The following DTWD1 variants were observed in gnomAD, a reference collection of about 807,000 sequenced individuals.
DTWD1 encodes tRNA-uridine aminocarboxypropyltransferase 1.
A neutral mutation model predicts 30.2 loss-of-function variants in DTWD1; 27 were observed. That is an observed-to-expected ratio of 0.90 (90% CI 0.66 to 1.23). The LOEUF is 1.23. Ranked by LOEUF, DTWD1 falls within the 50% of genes most tolerant of loss-of-function variation. The pLI, the probability that DTWD1 is intolerant of heterozygous loss-of-function variation, is 0.00. For synonymous variants in DTWD1, 99 were observed against 113.1 expected (o/e 0.88, Z 0.79); for missense variants, 342 against 348.8 (o/e 0.98, Z 0.15).
chr15:49,633,153 C>A lies in DTWD1; in HGVS notation c.408+851C>A, dbSNP rs114766971. Among the ~76,000 whole-genome samples, 1,221 of 149,872 alleles carry A rather than the reference C, an allele frequency of 8.1e-3. 19 individuals are homozygous for A. Among genetic ancestry groups the A allele is most frequent in the African/African-American group, 0.029 (1,185 of 40,948 alleles). On this transcript the variant is annotated intron_variant, in intron 3 of 4. Transcript: ENST00000403028. ...TGGATCTAGGAAAATGTTTCTTTCTCTGGTCAGCTAGACTCCATTTATGTT... is the reference window on the plus strand; with the variant it reads ...TGGATCTAGGAAAATGTTTCTTTCTATGGTCAGCTAGACTCCATTTATGTT...
intron 4 of DTWD1, among the ~76,000 whole-genome samples, chr15:49,635,684 G>A (rs1317838744): frequency 1.3e-5 from 2 of 151,274 alleles, no homozygotes; most frequent in Non-Finnish European, 3.0e-5. Flanking sequence ...TCATAGAGAC[G>A]GGTTTCACCA....
rs1001843822 is a variant in DTWD1, at chr15:49,656,086, GAA to G, written c.*12510_*12511del. 1.3e-5 allele frequency: 2 copies of G among 152,028 alleles called. No individual in the cohort carries two copies. Among genetic ancestry groups the G allele is most frequent in the Non-Finnish European group, 2.9e-5 (2 of 67,970 alleles). The allele number at this position is 152,028 out of a possible 1,614,324, so 9.4% of individuals were successfully genotyped here. ...CAGCTGTTAATTTCTGAAGCAGAAA[GAA>G]AGATGAATAAAAGTTCTGGTTTTAC... On this transcript the variant is annotated 3_prime_UTR_variant, in exon 5 of 5. Coordinates refer to ENST00000403028, the MANE Select transcript of DTWD1 (RefSeq NM_001144955.2).
At chr15:49,622,849 G>A (rs1039844847) in intron 1 of DTWD1, among the ~76,000 whole-genome samples, 1 of 152,134 alleles carries the variant, frequency 6.6e-6, no homozygotes, top group Non-Finnish European at 1.5e-5. Flanking sequence ...GAACTAAGAG[G>A]TGGAGCCATA....
rs1013034966 is a variant in DTWD1, at chr15:49,653,297, T to G, written c.*9719T>G. On this transcript the variant is annotated 3_prime_UTR_variant, in exon 5 of 5. Transcript: ENST00000403028. ...CAGAATGATGTGAAATGAGAAGAAC[T>G]CAACCTGCTATTGTTGGCTTTACAG... The G allele has an allele frequency of 1.3e-5, 2 of 152,010 alleles. No individual in the cohort carries two copies. The highest frequency in any genetic ancestry group is 2.9e-5 in the Non-Finnish European group (2 of 67,994). 9.4% of individuals were successfully genotyped at this position (152,010 alleles called of 1,614,324 possible).
chr15:49,640,806 A>T (rs1284103072), intron 4 of DTWD1, among the ~76,000 whole-genome samples: 1 of 152,090 alleles, frequency 6.6e-6, no homozygotes, highest in African/African-American at 2.4e-5. Context: ...TCTAGAATAT[A>T]GATAATGTTG....
At position 49,649,193 on chromosome 15, in the gene DTWD1, G is replaced by A. The variant is rs1284714552; in HGVS notation, c.*5615G>A. 1 of 152,150 alleles carries A rather than the reference G, an allele frequency of 6.6e-6. No individual in the cohort carries two copies. Among genetic ancestry groups the A allele is most frequent in the Non-Finnish European group, 1.5e-5 (1 of 68,022 alleles). 9.4% of individuals were successfully genotyped at this position (152,150 alleles called of 1,614,324 possible). Reference sequence around the variant, plus strand: ...ATCGACCAATAATCAGGATATTAAAGGACTTCTTAACAACATTGGAAACTA... The same window carrying A: ...ATCGACCAATAATCAGGATATTAAAAGACTTCTTAACAACATTGGAAACTA... On this transcript the variant is annotated 3_prime_UTR_variant, in exon 5 of 5. Coordinates refer to ENST00000403028, the MANE Select transcript of DTWD1 (RefSeq NM_001144955.2).
chr15:49,656,217 T>A lies in DTWD1; in HGVS notation c.*12639T>A, dbSNP rs1406273644. 6.6e-6 allele frequency: 1 copy of A among 152,088 alleles called. No homozygotes were observed. Among genetic ancestry groups the A allele is most frequent in the Non-Finnish European group, 1.5e-5 (1 of 67,978 alleles). The allele number at this position is 152,088 out of a possible 1,614,324, so 9.4% of individuals were successfully genotyped here. On this transcript the variant is annotated 3_prime_UTR_variant, in exon 5 of 5. Coordinates refer to ENST00000403028, the MANE Select transcript of DTWD1 (RefSeq NM_001144955.2). ...TCTTTGCTGTAAATTAAATAAAAAT[T>A]CAAATATTTGTAAAAGAATATTTCT...
chr15:49,652,172 C>G lies in DTWD1; in HGVS notation c.*8594C>G, dbSNP rs963259500. On this transcript the variant is annotated 3_prime_UTR_variant, in exon 5 of 5. Transcript: ENST00000403028. ...CTTTGCACCTCTTCATAACTCTGAA[C>G]TCTGCAGTGAGAGGTCTTGGTCCCA... is the stretch of plus-strand genomic sequence containing the variant. The G allele has an allele frequency of 1.3e-5, 2 of 152,100 alleles. No homozygotes were observed. Among genetic ancestry groups the G allele is most frequent in the Non-Finnish European group, 2.9e-5 (2 of 68,028 alleles). The allele number at this position is 152,100 out of a possible 1,614,324, so 9.4% of individuals were successfully genotyped here. A position where few individuals can be genotyped will look rare whatever the true frequency, so the allele number is the denominator to read the frequency against.
chr15:49,627,540 G>A (rs1269841434), intron 2 of DTWD1, among the ~76,000 whole-genome samples: 3 of 152,106 alleles, frequency 2.0e-5, no homozygotes, highest in Non-Finnish European at 4.4e-5. Flanking sequence ...TCACTGTTGT[G>A]CAAACATAAT....
chr15:49,647,089 C>T lies in DTWD1; in HGVS notation c.*3511C>T, dbSNP rs992284942. On this transcript the variant is annotated 3_prime_UTR_variant, in exon 5 of 5. Transcript: ENST00000403028. ...AGAAGCAGTGACTAACTAGGTCAGCCGGAGATTCTCAAAGTACTCATGACT... is the reference window on the plus strand; with the variant it reads ...AGAAGCAGTGACTAACTAGGTCAGCTGGAGATTCTCAAAGTACTCATGACT... 2.0e-5 allele frequency: 3 copies of T among 152,138 alleles called. No individual in the cohort carries two copies. Among genetic ancestry groups the T allele is most frequent in the Admixed American group, 6.6e-5 (1 of 15,264 alleles). 9.4% of individuals were successfully genotyped at this position (152,138 alleles called of 1,614,324 possible).
At position 49,646,807 on chromosome 15, in the gene DTWD1, A is replaced by G. The variant is rs2079122077; in HGVS notation, c.*3229A>G. On this transcript the variant is annotated 3_prime_UTR_variant, in exon 5 of 5. Transcript: ENST00000403028. ...ATTTATCAGTTTGCATTTGCCTCCC[A>G]TTATTGCCAGCCTCACTTCCTTTCT... 6.6e-6 allele frequency: 1 copy of G among 152,190 alleles called. No homozygotes were observed. Among genetic ancestry groups the G allele is most frequent in the Non-Finnish European group, 1.5e-5 (1 of 68,074 alleles). The allele number at this position is 152,190 out of a possible 1,614,324, so 9.4% of individuals were successfully genotyped here.
chr15:49,635,788 G>T (rs116363715), intron 4 of DTWD1, among the ~76,000 whole-genome samples: 1 of 152,030 alleles, frequency 6.6e-6, no homozygotes, highest in Non-Finnish European at 1.5e-5. Flanking sequence ...GCCACCACGC[G>T]CAGCCTTCCT....
chr15:49,635,074 G>T (rs1356463445), intron 4 of DTWD1, among the ~76,000 whole-genome samples: 1 of 151,964 alleles, frequency 6.6e-6, no homozygotes, highest in Non-Finnish European at 1.5e-5. Context: ...CCACTCTGTT[G>T]CCCAGGCTGG....
chr15:49,642,610 G>A (rs1366492216), intron 4 of DTWD1, among the ~76,000 whole-genome samples: 1 of 152,078 alleles, frequency 6.6e-6, no homozygotes, highest in Non-Finnish European at 1.5e-5. Context: ...ATTTCAGAAT[G>A]ATATTTTAAA....
chr15:49,625,497 C>A, intron 2 of DTWD1, 66 bp downstream of exon 2: 1 of 1,336,488 alleles, frequency 7.5e-7, no homozygotes, highest in Non-Finnish European at 1.0e-6. Flanking sequence ...TCATGTATAC[C>A]TACTCTAATT....
chr15:49,643,718 C>T lies in DTWD1; in HGVS notation c.*140C>T. 2 of 883,288 alleles carry T rather than the reference C, an allele frequency of 2.3e-6. No individual in the cohort carries two copies. The highest frequency in any genetic ancestry group is 3.1e-6 in the Non-Finnish European group (2 of 638,898). The allele number at this position is 883,288 out of a possible 1,614,324, so 54.7% of individuals were successfully genotyped here. A position where few individuals can be genotyped will look rare whatever the true frequency, so the allele number is the denominator to read the frequency against. Reference sequence around the variant, plus strand: ...AATTCCAGTTTCATATATATCACTTCATATTTCTTGAAGGAAATTGTATCT... The same window carrying T: ...AATTCCAGTTTCATATATATCACTTTATATTTCTTGAAGGAAATTGTATCT... On this transcript the variant is annotated 3_prime_UTR_variant, in exon 5 of 5. Transcript: ENST00000403028.
In DTWD1 at chr15:49,648,976, G is replaced by C. The variant is rs967535397; in HGVS notation, c.*5398G>C. On this transcript the variant is annotated 3_prime_UTR_variant, in exon 5 of 5. Transcript: ENST00000403028. ...AACTTAAGATTAAGGGCCAATCTAA[G>C]AGGTCCTTCATTTGAATAATAGGAG... 2.0e-5 allele frequency: 3 copies of C among 152,124 alleles called. No individual in the cohort carries two copies. Among genetic ancestry groups the C allele is most frequent in the Admixed American group, 2.0e-4 (3 of 15,264 alleles). The allele number at this position is 152,124 out of a possible 1,614,324, so 9.4% of individuals were successfully genotyped here. A position where few individuals can be genotyped will look rare whatever the true frequency, so the allele number is the denominator to read the frequency against.
rs1223433847 is a variant in DTWD1, at chr15:49,653,397, G to C, written c.*9819G>C. On this transcript the variant is annotated 3_prime_UTR_variant, in exon 5 of 5. Transcript: ENST00000403028. Reference sequence around the variant, plus strand: ...AGCAAAGAAACAGATTCTTTCCAGAGTGTCCAGAAAGGAATGCAGTTCAGC... The same window carrying C: ...AGCAAAGAAACAGATTCTTTCCAGACTGTCCAGAAAGGAATGCAGTTCAGC... The C allele has an allele frequency of 6.6e-6, 1 of 152,136 alleles. No homozygotes were observed. Among genetic ancestry groups the C allele is most frequent in the Non-Finnish European group, 1.5e-5 (1 of 68,026 alleles). The allele number at this position is 152,136 out of a possible 1,614,324, so 9.4% of individuals were successfully genotyped here.
At chr15:49,635,080 G>A (rs2078983887) in intron 4 of DTWD1, among the ~76,000 whole-genome samples, 1 of 152,062 alleles carries the variant, frequency 6.6e-6, no homozygotes, top group African/African-American at 2.4e-5. Flanking sequence ...TGTTGCCCAG[G>A]CTGGAGTGCA....
Sources: gnomAD v4.1 joint callset for allele counts (sites outside exome capture counted in the v4.1 genomes callset) on GRCh38, gnomAD v4.1.1 for gene constraint, MANE v1.5 for transcripts, NCBI Gene and HGNC (gene_info 2026-07-23, HGNC 2026-07-21) for gene names.